JAK3: variants seen among roughly 807,000 people sequenced by gnomAD.
JAK3 encodes the protein Janus kinase 3, also known as tyrosine-protein kinase JAK3.
JAK3 carries 88 observed loss-of-function variants against 120.8 expected under a neutral mutation model. The ratio of observed to expected loss-of-function variants is 0.73; its 90% CI spans 0.61 to 0.87. The LOEUF (loss-of-function observed/expected upper bound fraction) is 0.87. Ranked by LOEUF, JAK3 falls within the 40% of genes least tolerant of loss-of-function variation. The pLI, the probability that JAK3 is intolerant of heterozygous loss-of-function variation, is 0.00. For missense variants in JAK3, 1,254 were observed against 1,501.4 expected (o/e 0.84, Z 2.72); for synonymous variants, 592 against 628.6 (o/e 0.94, Z 0.87).
chr19:17,837,156 G>A lies in JAK3; in HGVS notation c.1759C>T (p.Leu587Phe), dbSNP rs2147686121. The A allele has an allele frequency of 6.4e-7, 1 of 1,563,204 alleles. No individual in the cohort carries two copies. The highest frequency in any genetic ancestry group is 8.7e-7 in the Non-Finnish European group (1 of 1,154,178). ...TCTCCAGCCATGCACACGCCGTGGA[G>A]CAGCACGAGATGCCGGTACGACACT... ...SQVSYRHLVL[L>F]HGVCMAGDST... The change falls in exon 13 of 24, where the codon CTC becomes TTC. Residue 587 changes from leucine (L) to phenylalanine (F), a missense_variant. Physicochemically the swap from Leu to Phe is conservative, Grantham distance 22. Coordinates refer to ENST00000458235, the MANE Select transcript of JAK3 (RefSeq NM_000215.4).
intron 23 of JAK3, among the ~76,000 whole-genome samples, chr19:17,829,294 A>G (rs1416945769): frequency 1.3e-5 from 2 of 152,030 alleles, no homozygotes; most frequent in Non-Finnish European, 1.5e-5. Flanking sequence ...CCTCGCAAGT[A>G]GCTGAGATCA....
intron 23 of JAK3, among the ~76,000 whole-genome samples, chr19:17,829,456 GC>G (rs2094209776): frequency 6.6e-6 from 1 of 151,742 alleles, no homozygotes; most frequent in Admixed American, 6.6e-5. Flanking sequence ...ACCACACCTG[GC>G]CAAAATTATT....
chr19:17,838,110 C>T, intron 11 of JAK3, 47 bp from the exon 12 acceptor site: 2 of 1,613,728 alleles, frequency 1.2e-6, no homozygotes, highest in South Asian at 2.2e-5. Flanking sequence ...GGGGTTCCTG[C>T]AGGATCCCAG....
chr19:17,842,850 G>T lies in JAK3; in HGVS notation c.566+177C>A. On this transcript the variant is annotated intron_variant, in intron 5 of 23. Transcript: ENST00000458235. The surrounding 1 kb of genome is among the most constrained non-coding windows in gnomAD (Gnocchi z 6.4). ...GCCTTTTAGCTGGGGGAGGTCAGGTGTCTGTCCAGCTGGAGCCTGGGGGTG... is the reference window on the plus strand; with the variant it reads ...GCCTTTTAGCTGGGGGAGGTCAGGTTTCTGTCCAGCTGGAGCCTGGGGGTG... 1 of 948,316 alleles carries T rather than the reference G, an allele frequency of 1.1e-6. No homozygotes were observed. The highest frequency in any genetic ancestry group is 1.6e-6 in the Non-Finnish European group (1 of 623,608). 58.7% of individuals were successfully genotyped at this position (948,316 alleles called of 1,614,324 possible).
In JAK3 at chr19:17,831,842, G is replaced by A. The variant is rs2094215153; in HGVS notation, c.2681-44C>T. On this transcript the variant is annotated intron_variant, in intron 19 of 23. Coordinates refer to ENST00000458235, the MANE Select transcript of JAK3 (RefSeq NM_000215.4). The surrounding 1 kb of genome is among the most constrained non-coding windows in gnomAD (Gnocchi z 5.1). ...GTCACAGCAGGGCCCAGCCCTGCTC[G>A]TCCCCCCATTCTTCCCCCCTTTCAC... The A allele has an allele frequency of 6.2e-7, 1 of 1,606,372 alleles. No homozygotes were observed. Among genetic ancestry groups the A allele is most frequent in the Admixed American group, 1.7e-5 (1 of 59,924 alleles).
chr19:17,829,953 A>T, intron 23 of JAK3, 155 bp downstream of exon 23: 1 of 687,040 alleles, frequency 1.5e-6, no homozygotes, highest in Non-Finnish European at 2.7e-6. Context: ...GACTTGCCAC[A>T]CAGTGAGAGA....
At chr19:17,837,721 T>G (rs2094227754) in intron 12 of JAK3, among the ~76,000 whole-genome samples, 1 of 151,188 alleles carries the variant, frequency 6.6e-6, no homozygotes, top group Non-Finnish European at 1.5e-5. Flanking sequence ...GGCCTAAAAT[T>G]TTTTTGTCAA....
rs147408277 is a variant in JAK3 at position 17,836,033 on chromosome 19, A to G, written c.1805T>C (p.Phe602Ser). The G allele has an allele frequency of 3.7e-6, 6 of 1,613,776 alleles. No homozygotes were observed. In the African/African-American group the frequency reaches 8.0e-5, roughly 22 times the overall value. ...MAGDSTMVQEFVHLGAIDMYL... is the reference protein window; with the variant it reads ...MAGDSTMVQESVHLGAIDMYL... ...CATGTCTATGGCCCCCAGGTGTACA[A>G]ATTCCTGCACCATGGTGCCTGGTTG... is the stretch of plus-strand genomic sequence containing the variant. The change falls in exon 14 of 24, where the codon TTT (phenylalanine) becomes TCT (serine). Residue 602 changes from phenylalanine (F) to serine (S), a missense_variant. Around this residue, in one of 3 missense-constraint regions of JAK3, gnomAD observed 630 missense variants for 819.8 expected, o/e 0.77. Transcript: ENST00000458235.
In JAK3 at chr19:17,846,773, C is replaced by T. The variant is rs539320178; in HGVS notation, c.-14+1173G>A. Among the ~76,000 whole-genome samples, 3 of 152,182 alleles carry T rather than the reference C, an allele frequency of 2.0e-5. No individual in the cohort carries two copies. In the East Asian group the frequency reaches 5.8e-4, roughly 29 times the overall value. ...CTAATTTTTGTATTTTTAGTAGAGA[C>T]GGAGTTTCACCATGTTGGCCAGGCT... On this transcript the variant is annotated intron_variant, in intron 1 of 23. Transcript: ENST00000458235.
At chr19:17,839,696 A>AGCGAC in intron 9 of JAK3, 33 bp from the exon 10 acceptor site, 1 of 1,458,722 alleles carries the variant, frequency 6.9e-7, no homozygotes, top group Non-Finnish European at 9.5e-7. Context: ...AGTGGGACTG[A>AGCGAC]GCGACAGACA....
chr19:17,827,849 C>G (rs1343188765), intron 23 of JAK3, among the ~76,000 whole-genome samples: 1 of 149,730 alleles, frequency 6.7e-6, no homozygotes, highest in African/African-American at 2.5e-5. Context: ...TTGTGGTGAG[C>G]CGAGATTGCG....
Position 17,830,809 on chromosome 19 carries a change from T to C in JAK3, c.2979-189A>G, listed in dbSNP as rs140622347. Among the ~76,000 whole-genome samples the C allele has an allele frequency of 6.1e-3, 791 of 129,850 alleles. 13 individuals are homozygous for C. The highest frequency in any genetic ancestry group is 0.022 in the African/African-American group (746 of 33,758). The allele number at this position is 129,850 out of a possible 152,430, so 85.2% of individuals were successfully genotyped here. On this transcript the variant is annotated intron_variant, in intron 21 of 23. Transcript: ENST00000458235. Reference sequence around the variant, plus strand: ...GCCCTGGGAGGTGCCTGGGAAGAGCTAAGGCTGTGGGGAGGAGGCGGGGGC... The same window carrying C: ...GCCCTGGGAGGTGCCTGGGAAGAGCCAAGGCTGTGGGGAGGAGGCGGGGGC...
intron 8 of JAK3, among the ~76,000 whole-genome samples, chr19:17,840,593 C>T (rs1000952575): frequency 6.6e-6 from 1 of 151,712 alleles, no homozygotes; most frequent in Non-Finnish European, 1.5e-5. Context: ...GAAACCCCGT[C>T]GCTACTGAAA....
At chr19:17,847,351 AT>A (rs752034925) in intron 1 of JAK3, among the ~76,000 whole-genome samples, 3 of 152,218 alleles carry the variant, frequency 2.0e-5, no homozygotes, top group African/African-American at 4.8e-5. Flanking sequence ...CAACAAAAAA[AT>A]CTTAACAGAA....
chr19:17,839,401 C>G, intron 10 of JAK3, 76 bp downstream of exon 10: 1 of 1,405,690 alleles, frequency 7.1e-7, no homozygotes, highest in Non-Finnish European at 9.9e-7. Flanking sequence ...ACTTGCCACC[C>G]ACACAGGAGC....
Position 17,841,310 on chromosome 19 carries a change from A to G in JAK3, c.1142+79T>C. 1.4e-6 allele frequency: 2 copies of G among 1,437,076 alleles called. No individual in the cohort carries two copies. The highest frequency in any genetic ancestry group is 1.9e-6 in the Non-Finnish European group (2 of 1,063,394). The allele number at this position is 1,437,076 out of a possible 1,614,324, so 89.0% of individuals were successfully genotyped here. A position where few individuals can be genotyped will look rare whatever the true frequency, so the allele number is the denominator to read the frequency against. On this transcript the variant is annotated intron_variant, in intron 8 of 23. Coordinates refer to ENST00000458235, the MANE Select transcript of JAK3 (RefSeq NM_000215.4). The surrounding 1 kb of genome is among the most constrained non-coding windows in gnomAD (Gnocchi z 4.1). ...TTGACCCCTGTCCAGGGCTCCTGGA[A>G]GGTGAGGACACTGAGGCATAGAGAA...
chr19:17,847,769 A>G (rs989708575), intron 1 of JAK3, among the ~76,000 whole-genome samples, 177 bp downstream of exon 1: 8 of 152,190 alleles, frequency 5.3e-5, no homozygotes, highest in African/African-American at 1.9e-4. Flanking sequence ...AGCCCAGAGA[A>G]GCGAGCGATC....
chr19:17,847,780 G>C (rs902331828), intron 1 of JAK3, among the ~76,000 whole-genome samples, 166 bp downstream of exon 1: 1 of 152,152 alleles, frequency 6.6e-6, no homozygotes, highest in Non-Finnish European at 1.5e-5. Flanking sequence ...GCGAGCGATC[G>C]GAGGATGCGA....
chr19:17,841,713 T>C lies in JAK3; in HGVS notation c.911A>G (p.Lys304Arg). 4 of 1,613,042 alleles carry C rather than the reference T, an allele frequency of 2.5e-6. No homozygotes were observed. Among genetic ancestry groups the C allele is most frequent in the Non-Finnish European group, 3.4e-6 (4 of 1,179,990 alleles). Residue 304 changes from lysine (K) to arginine (R), a missense_variant, in exon 7 of 24, where the codon AAG becomes AGG. Lys to Arg is a conservative substitution (Grantham distance 26). This residue lies in a region of JAK3 where 486 missense variants were observed against 503.0 expected (regional missense o/e 0.97). Transcript: ENST00000458235. The surrounding 1 kb of genome is among the most constrained non-coding windows in gnomAD (Gnocchi z 4.1). ...DFPEIVDISIKQAPRVGPAGE... is the reference protein window; with the variant it reads ...DFPEIVDISIRQAPRVGPAGE... ...GGCCGGGCCAACGCGCGGGGCCTGC[T>C]TGATGCTAATGTCTACGATTTCTGG...
Sources: allele counts gnomAD v4.1 joint callset (sites outside exome capture counted in the v4.1 genomes callset), GRCh38; gene constraint gnomAD v4.1.1; regional missense constraint gnomAD v4.1.1; non-coding constraint Gnocchi (gnomAD v3.1); transcripts MANE v1.5; gene names NCBI Gene and HGNC (gene_info 2026-07-23, HGNC 2026-07-21).